Variants in FOXP1 observed in about 807,000 individuals in gnomAD.
FOXP1 encodes the protein forkhead box protein P1.
In FOXP1, 15 loss-of-function variants were observed where a neutral mutation model predicts 98.2. The ratio of observed to expected loss-of-function variants is 0.15; its 90% CI spans 0.10 to 0.24. The LOEUF is 0.24. FOXP1 is among the 10% of genes least tolerant of loss of function. The pLI is 1.00. For synonymous variants in FOXP1, 371 were observed against 314.5 expected (o/e 1.18, Z -1.90); for missense variants, 633 against 848.5 (o/e 0.75, Z 3.15).
At chr3:71,335,281 T>G (rs530482182) in intron 4 of FOXP1, 1 of 150,500 alleles carries the variant, frequency 6.6e-6, no homozygotes, top group Non-Finnish European at 1.5e-5. Context: ...CAATATCCTG[T>G]CTTCAAAAAA....
At chr3:71,503,426 C>T (rs922718511) in intron 2 of FOXP1, among the ~76,000 whole-genome samples, 1 of 151,946 alleles carries the variant, frequency 6.6e-6, no homozygotes, top group Non-Finnish European at 1.5e-5. Context: ...CATGATGAAA[C>T]CCCATCTCTA....
intron 12 of FOXP1, among the ~76,000 whole-genome samples, chr3:71,013,748 T>C (rs888374089): frequency 2.6e-5 from 4 of 152,166 alleles, no homozygotes; most frequent in Non-Finnish European, 5.9e-5. Flanking sequence ...GACTTCAAAC[T>C]ATACTACAAG....
At chr3:71,367,725 A>C (rs1211106336) in intron 3 of FOXP1, among the ~76,000 whole-genome samples, 2 of 152,192 alleles carry the variant, frequency 1.3e-5, no homozygotes, top group Non-Finnish European at 2.9e-5. Context: ...TTCTGGATGA[A>C]AATAAGTGAG....
At chr3:71,473,102 C>G (rs1164442932) in intron 3 of FOXP1, among the ~76,000 whole-genome samples, 1 of 152,164 alleles carries the variant, frequency 6.6e-6, no homozygotes, top group Non-Finnish European at 1.5e-5. Flanking sequence ...AAACACTGGT[C>G]TCCATTTTAG....
intron 4 of FOXP1, among the ~76,000 whole-genome samples, chr3:71,338,984 GAA>G: frequency 6.6e-6 from 1 of 152,248 alleles, no homozygotes; most frequent in Non-Finnish European, 1.5e-5. Context: ...AGAAGAAAAA[GAA>G]AACCACTAAC....
chr3:71,446,077 GTGA>G (rs2086404297), intron 3 of FOXP1, among the ~76,000 whole-genome samples: 1 of 131,962 alleles, frequency 7.6e-6, no homozygotes, highest in Non-Finnish European at 1.7e-5. Flanking sequence ...GAGTGAGTGA[GTGA>G]GTGAATGAAT....
At chr3:71,067,604 G>C (rs1029753583) in intron 7 of FOXP1, among the ~76,000 whole-genome samples, 3 of 152,020 alleles carry the variant, frequency 2.0e-5, no homozygotes, top group African/African-American at 7.3e-5. Context: ...TTTCTCCCAA[G>C]AATTAAACAT....
At chr3:70,967,683 A>AT (rs1559585348) in intron 19 of FOXP1, among the ~76,000 whole-genome samples, 1 of 21,778 alleles carries the variant, frequency 4.6e-5, no homozygotes, top group Non-Finnish European at 1.1e-4. Flanking sequence ...AACTACTATT[A>AT]TTTGTTTTTT....
At chr3:71,433,857 T>G (rs1417483266) in intron 3 of FOXP1, among the ~76,000 whole-genome samples, 1 of 152,212 alleles carries the variant, frequency 6.6e-6, no homozygotes, top group African/African-American at 2.4e-5. Flanking sequence ...CTGCATTGTC[T>G]GCCATCCCCT....
At chr3:71,272,709 C>T (rs1355599066) in intron 5 of FOXP1, among the ~76,000 whole-genome samples, 2 of 152,286 alleles carry the variant, frequency 1.3e-5, no homozygotes, top group East Asian at 3.9e-4. Context: ...AAAGAAAAGA[C>T]ACTCATATTG....
rs946121271 is a variant in FOXP1 at position 71,384,036 on chromosome 3, G to C, written c.-167-24792C>G. 2.6e-5 allele frequency among the ~76,000 whole-genome samples: 4 copies of C among 152,212 alleles called. No individual in the cohort carries two copies. The East Asian group carries it at 7.7e-4, about 29-fold the overall frequency. On this transcript the variant is annotated intron_variant, in intron 3 of 20. Transcript: ENST00000649528. ...GTCCCAGACCAGCCTGGCCAACGTG[G>C]TGTAACCCTGCCTCTACTAAAAATA...
At chr3:71,183,206 A>G (rs1368808168) in intron 6 of FOXP1, among the ~76,000 whole-genome samples, 3 of 152,130 alleles carry the variant, frequency 2.0e-5, no homozygotes, top group Non-Finnish European at 2.9e-5. Flanking sequence ...AAGAATACCA[A>G]AAGTTGGCCA....
chr3:71,275,832 T>G (rs2070823905), intron 5 of FOXP1, among the ~76,000 whole-genome samples: 2 of 152,210 alleles, frequency 1.3e-5, no homozygotes, highest in East Asian at 1.9e-4. Flanking sequence ...TGCTTATCCC[T>G]TCTTCGTTTT....
intron 5 of FOXP1, among the ~76,000 whole-genome samples, chr3:71,233,593 T>C (rs1239112900): frequency 2.9e-4 from 3 of 10,202 alleles, no homozygotes; most frequent in African/African-American, 9.0e-4. Context: ...TGTTTGACTC[T>C]TTTTTTTTTT....
intron 7 of FOXP1, among the ~76,000 whole-genome samples, chr3:71,079,158 A>G (rs1482661602): frequency 6.6e-6 from 1 of 152,090 alleles, no homozygotes; most frequent in Non-Finnish European, 1.5e-5. Context: ...CGCAGAAATG[A>G]GCATGGTGGG....
At chr3:71,502,089 C>G (rs2041426916) in intron 2 of FOXP1, among the ~76,000 whole-genome samples, 1 of 152,228 alleles carries the variant, frequency 6.6e-6, no homozygotes, top group African/African-American at 2.4e-5. Flanking sequence ...CTATCTATAA[C>G]AAGTTGCTCT....
chr3:71,128,671 T>C (rs765757104), intron 6 of FOXP1, among the ~76,000 whole-genome samples: 1 of 152,088 alleles, frequency 6.6e-6, no homozygotes, highest in Non-Finnish European at 1.5e-5. Flanking sequence ...TGTCCAATGG[T>C]ATTATTATTT....
chr3:71,524,780 GA>G (rs2043245354), intron 2 of FOXP1, among the ~76,000 whole-genome samples: 1 of 152,190 alleles, frequency 6.6e-6, no homozygotes, highest in Non-Finnish European at 1.5e-5. Flanking sequence ...GCAGTAATCA[GA>G]AAATGTTTGA....
intron 6 of FOXP1, among the ~76,000 whole-genome samples, chr3:71,135,211 A>G (rs960927152): frequency 6.8e-6 from 1 of 146,268 alleles, no homozygotes; most frequent in African/African-American, 2.5e-5. Context: ...GTGAGCCAAG[A>G]TCGCACCACT....
Sources: gnomAD v4.1 joint callset for allele counts (sites outside exome capture counted in the v4.1 genomes callset) on GRCh38, gnomAD v4.1.1 for gene constraint, MANE v1.5 for transcripts, NCBI Gene and HGNC (gene_info 2026-07-23, HGNC 2026-07-21) for gene names.